Variants in FNBP1L observed in about 807,000 individuals in gnomAD.
FNBP1L encodes formin-binding protein 1-like.
Under a neutral mutation model 91.2 loss-of-function variants are expected in FNBP1L, and 36 were observed. That is an observed-to-expected ratio of 0.39 (90% CI 0.30 to 0.52). The LOEUF (loss-of-function observed/expected upper bound fraction) is 0.52. Among genes scored for constraint, FNBP1L ranks in the 20% least tolerant of loss-of-function variants. The pLI, the probability that FNBP1L is intolerant of heterozygous loss-of-function variation, is 0.66. For synonymous variants in FNBP1L, 242 were observed against 237.0 expected, an observed-to-expected ratio of 1.02 and a Z score of -0.19; for missense variants, 571 against 732.1, an observed-to-expected ratio of 0.78 and a Z score of 2.54.
rs1407907012 is a variant in FNBP1L at position 93,490,027 on chromosome 1, TTTTAA to T, written c.25-9440_25-9436del. ...TTCTGCTTTTTAGTGAAGAAAGTAT[TTTTAA>T]AATGATGATGACACTTGGTTTTTTA... On this transcript the variant is annotated intron_variant, in intron 1 of 16. Transcript: ENST00000271234. Among the ~76,000 whole-genome samples, 3 of 152,232 alleles carry T rather than the reference TTTTAA, an allele frequency of 2.0e-5. No homozygotes were observed. In the East Asian group the frequency reaches 5.8e-4, roughly 29 times the overall value.
intron 1 of FNBP1L, among the ~76,000 whole-genome samples, chr1:93,473,683 T>C (rs1445818912): frequency 2.0e-5 from 3 of 152,218 alleles, no homozygotes; most frequent in Non-Finnish European, 4.4e-5. Flanking sequence ...GACATTTGTA[T>C]TAGTCTGTGG....
chr1:93,546,512 G>A (rs1350915188), intron 12 of FNBP1L, among the ~76,000 whole-genome samples: 1 of 152,064 alleles, frequency 6.6e-6, no homozygotes, highest in South Asian at 2.1e-4. Flanking sequence ...TTTGATTTGG[G>A]ACATGATGAG....
chr1:93,496,526 A>G (rs1670266027), intron 1 of FNBP1L, among the ~76,000 whole-genome samples: 2 of 152,116 alleles, frequency 1.3e-5, no homozygotes, highest in African/African-American at 2.4e-5. Flanking sequence ...TCAGTCTCCC[A>G]GGTAGCTGGA....
intron 5 of FNBP1L, among the ~76,000 whole-genome samples, chr1:93,527,683 G>A (rs1033997655): frequency 5.9e-5 from 9 of 151,978 alleles, no homozygotes; most frequent in African/African-American, 2.2e-4. Flanking sequence ...ATCATAATCC[G>A]TAAAGCCCGA....
intron 1 of FNBP1L, among the ~76,000 whole-genome samples, chr1:93,448,697 G>A (rs545085331): frequency 6.6e-5 from 10 of 152,280 alleles, no homozygotes; most frequent in Non-Finnish European, 1.5e-4. Flanking sequence ...GGAGGCGGGG[G>A]AGGGGGCCCA....
At chr1:93,528,883 A>G (rs746014574) in intron 5 of FNBP1L, among the ~76,000 whole-genome samples, 1 of 152,196 alleles carries the variant, frequency 6.6e-6, no homozygotes, top group Non-Finnish European at 1.5e-5. Context: ...GAAGACATGT[A>G]TTAACTCCAG....
At chr1:93,463,170 C>T (rs1027716246) in intron 1 of FNBP1L, among the ~76,000 whole-genome samples, 6 of 152,182 alleles carry the variant, frequency 3.9e-5, no homozygotes, top group African/African-American at 9.6e-5. Context: ...TCTTTTAAAG[C>T]GCTTCCTTAC....
chr1:93,463,879 A>T (rs1278750258), intron 1 of FNBP1L, among the ~76,000 whole-genome samples: 2 of 152,160 alleles, frequency 1.3e-5, no homozygotes, highest in African/African-American at 4.8e-5. Flanking sequence ...CTTTCCTGAG[A>T]TTCTGTGACC....
chr1:93,524,402 A>G, intron 5 of FNBP1L, 79 bp downstream of exon 5: 1 of 1,012,086 alleles, frequency 9.9e-7, no homozygotes. Flanking sequence ...CTTCATATCT[A>G]TTTGAGTTTA....
chr1:93,515,037 T>C (rs1388515409), intron 2 of FNBP1L, among the ~76,000 whole-genome samples: 1 of 152,122 alleles, frequency 6.6e-6, no homozygotes, highest in Non-Finnish European at 1.5e-5. Flanking sequence ...AGGGCTAATA[T>C]GCAGAATCTA....
At chr1:93,541,149 C>A (rs973618585) in intron 11 of FNBP1L, 93 bp downstream of exon 11, 1 of 1,202,540 alleles carries the variant, frequency 8.3e-7, no homozygotes, top group Non-Finnish European at 1.2e-6. Flanking sequence ...TAAATTACAT[C>A]CCACGTTTTC....
intron 1 of FNBP1L, among the ~76,000 whole-genome samples, chr1:93,458,590 AAC>A (rs1361012564): frequency 1.3e-5 from 2 of 152,218 alleles, no homozygotes; most frequent in African/African-American, 4.8e-5. Context: ...TGACTCCAAA[AAC>A]ACAGGCAACA....
At chr1:93,475,944 G>A (rs907213463) in intron 1 of FNBP1L, among the ~76,000 whole-genome samples, 2 of 152,168 alleles carry the variant, frequency 1.3e-5, no homozygotes, top group African/African-American at 4.8e-5. Flanking sequence ...TACATATTCT[G>A]TGTTTTGTTA....
chr1:93,467,879 G>C (rs368768453), intron 1 of FNBP1L, among the ~76,000 whole-genome samples: 2 of 152,162 alleles, frequency 1.3e-5, no homozygotes, highest in African/African-American at 4.8e-5. Flanking sequence ...TTTGAGTTCA[G>C]CCTGGGCAAC....
chr1:93,523,438 G>A lies in FNBP1L; in HGVS notation c.289G>A (p.Val97Met), dbSNP rs746855705. Residue 97 changes from valine (V) to methionine (M), a missense_variant, in exon 4 of 17, where the codon GTG becomes ATG. Physicochemically the swap from Val to Met is conservative, Grantham distance 21. Coordinates refer to ENST00000271234, the MANE Select transcript of FNBP1L (RefSeq NM_001164473.3). ...TGTAGCAGAAGAAATGGCGCACAGA[G>A]TGTATGGTGAATTAATGAGATATGC... is the stretch of plus-strand genomic sequence containing the variant. ...EVVAEEMAHR[V>M]YGELMRYAHD... 1.9e-6 allele frequency: 3 copies of A among 1,610,530 alleles called. No homozygotes were observed. Among genetic ancestry groups the A allele is most frequent in the Admixed American group, 3.4e-5 (2 of 59,508 alleles).
intron 2 of FNBP1L, among the ~76,000 whole-genome samples, chr1:93,514,274 A>G (rs1670982838): frequency 6.6e-6 from 1 of 152,068 alleles, no homozygotes; most frequent in Admixed American, 6.6e-5. Context: ...AAGAGGATAC[A>G]AACAAATGGA....
At chr1:93,551,211 A>C in intron 16 of FNBP1L, 106 bp downstream of exon 16, 1 of 1,395,270 alleles carries the variant, frequency 7.2e-7, no homozygotes, top group Non-Finnish European at 9.4e-7. Flanking sequence ...AAAAATAAGG[A>C]AACTTAAAGG....
At chr1:93,515,152 A>C (rs927574418) in intron 2 of FNBP1L, among the ~76,000 whole-genome samples, 2 of 152,226 alleles carry the variant, frequency 1.3e-5, no homozygotes, top group African/African-American at 4.8e-5. Flanking sequence ...CAGCCAAAAA[A>C]CACATGAAAA....
At chr1:93,523,193 T>C in intron 3 of FNBP1L, 151 bp from the exon 4 acceptor site, 1 of 665,016 alleles carries the variant, frequency 1.5e-6, no homozygotes, top group Non-Finnish European at 2.4e-6. Flanking sequence ...TAATGCAGGA[T>C]TTTTTTCCAT....
Sources: allele counts gnomAD v4.1 joint callset (sites outside exome capture counted in the v4.1 genomes callset), GRCh38; gene constraint gnomAD v4.1.1; transcripts MANE v1.5; gene names NCBI Gene and HGNC (gene_info 2026-07-23, HGNC 2026-07-21).